Variants in CAPRIN1 observed in about 807,000 individuals in gnomAD.
CAPRIN1 encodes cell cycle associated protein 1.
Under a neutral mutation model 100.9 loss-of-function variants are expected in CAPRIN1, and 29 were observed. The observed-to-expected ratio is 0.29, with a 90% CI of 0.21 to 0.39. The LOEUF (loss-of-function observed/expected upper bound fraction) is 0.39, where lower values mean the gene tolerates loss of function less well. Ranked by LOEUF, CAPRIN1 falls within the 10% of genes least tolerant of loss-of-function variation. The pLI is 1.00. For synonymous variants in CAPRIN1, 338 were observed against 307.5 expected (o/e 1.10, Z -1.04); for missense variants, 795 against 876.7 (o/e 0.91, Z 1.18).
At chr11:34,052,784 C>G (rs1314525649) in intron 2 of CAPRIN1, 148 bp downstream of exon 2, 2 of 1,429,616 alleles carry the variant, frequency 1.4e-6, no homozygotes, top group Non-Finnish European at 1.9e-6. Context: ...CGCCCCGTCT[C>G]CACGTTCAGC....
intron 4 of CAPRIN1, among the ~76,000 whole-genome samples, chr11:34,074,816 A>G (rs1850875046): frequency 6.6e-6 from 1 of 152,242 alleles, no homozygotes; most frequent in African/African-American, 2.4e-5. Flanking sequence ...TAGAGGTGTC[A>G]GTGAGCCAAG....
At chr11:34,076,035 A>G (rs1244509731) in intron 4 of CAPRIN1, among the ~76,000 whole-genome samples, 1 of 152,216 alleles carries the variant, frequency 6.6e-6, no homozygotes, top group African/African-American at 2.4e-5. Context: ...CTTCTAGGGA[A>G]AGAGCTGTTC....
chr11:34,066,971 C>T (rs1156369235), intron 2 of CAPRIN1, among the ~76,000 whole-genome samples: 1 of 150,684 alleles, frequency 6.6e-6, no homozygotes, highest in African/African-American at 2.4e-5. Context: ...ACTCTGTTTC[C>T]CGGGCTGGAA....
At chr11:34,052,238 G>A in intron 1 of CAPRIN1, 183 bp from the exon 2 acceptor site, 1 of 208,598 alleles carries the variant, frequency 4.8e-6, no homozygotes, top group African/African-American at 3.5e-5. Flanking sequence ...CGCCCCGCTG[G>A]CGGGTCGCGC....
At chr11:34,081,868 G>C (rs1202019317) in intron 7 of CAPRIN1, among the ~76,000 whole-genome samples, 1 of 152,120 alleles carries the variant, frequency 6.6e-6, no homozygotes, top group Non-Finnish European at 1.5e-5. Context: ...CTGGAGTGCA[G>C]TGGCGCGATC....
chr11:34,078,850 C>A (rs1850956572), intron 6 of CAPRIN1, among the ~76,000 whole-genome samples: 1 of 152,164 alleles, frequency 6.6e-6, no homozygotes, highest in Non-Finnish European at 1.5e-5. Context: ...CTAGGGAAAC[C>A]TTTTGTGGCC....
chr11:34,098,725 A>G, intron 18 of CAPRIN1: 1 of 985,440 alleles, frequency 1.0e-6, no homozygotes, highest in Non-Finnish European at 1.2e-6. Flanking sequence ...CTTGTAGCAT[A>G]TTCGATGAAA....
rs565364544 is a variant in CAPRIN1, at chr11:34,078,324, A to G, written c.689-1304A>G. On this transcript the variant is annotated intron_variant, in intron 6 of 18. Coordinates refer to ENST00000341394, the MANE Select transcript of CAPRIN1 (RefSeq NM_005898.5). ...TCCTCAAAGTTTTATTTTTCTTCAC[A>G]GTGACCTATCGGGGAGTGGCCCTAC... 3.3e-5 allele frequency among the ~76,000 whole-genome samples: 5 copies of G among 152,326 alleles called. No individual in the cohort carries two copies. In the South Asian group the frequency reaches 1.0e-3, roughly 32 times the overall value.
In CAPRIN1 at chr11:34,086,115, G is replaced by C. The variant is rs754685034; in HGVS notation, c.1018G>C (p.Glu340Gln). ...TCAGGCTGCATCCCCTTCAGTACCAGAGCCCCACTCTTTGACTCCAGTGGC... is the reference window on the plus strand; with the variant it reads ...TCAGGCTGCATCCCCTTCAGTACCACAGCCCCACTCTTTGACTCCAGTGGC... Reference protein sequence around the residue: ...QPQAASPSVPEPHSLTPVAQA... With the variant: ...QPQAASPSVPQPHSLTPVAQA... Residue 340 changes from glutamate to glutamine, a missense_variant, in exon 10 of 19, where the codon GAG (glutamate) becomes CAG (glutamine). Glu to Gln is a conservative substitution (Grantham distance 29). Coordinates refer to ENST00000341394, the MANE Select transcript of CAPRIN1 (RefSeq NM_005898.5). 1.2e-6 allele frequency: 2 copies of C among 1,613,958 alleles called. No homozygotes were observed. Among genetic ancestry groups the C allele is most frequent in the Non-Finnish European group, 1.7e-6 (2 of 1,179,996 alleles).
At chr11:34,057,615 A>G (rs1850479447) in intron 2 of CAPRIN1, among the ~76,000 whole-genome samples, 1 of 152,216 alleles carries the variant, frequency 6.6e-6, no homozygotes, top group South Asian at 2.1e-4. Flanking sequence ...TTCCTTTAGT[A>G]AAAGTGTTAA....
At position 34,074,597 on chromosome 11, in the gene CAPRIN1, C is replaced by T. The variant is rs185051351; in HGVS notation, c.367-1639C>T. On this transcript the variant is annotated intron_variant, in intron 4 of 18. Coordinates refer to ENST00000341394, the MANE Select transcript of CAPRIN1 (RefSeq NM_005898.5). ...GCCTCCACCTACCTATAAAGACCTT[C>T]CTGGGCAGGGTGTGGTTGCTCACGC... 1.3e-3 allele frequency among the ~76,000 whole-genome samples: 196 copies of T among 152,298 alleles called. 1 individual carries two copies. The highest frequency in any genetic ancestry group is 2.1e-3 in the Non-Finnish European group (143 of 68,026).
intron 2 of CAPRIN1, chr11:34,055,885 G>C (rs774831571): frequency 5.3e-5 from 8 of 152,140 alleles, no homozygotes; most frequent in Non-Finnish European, 1.2e-4. Context: ...TATTGATGTT[G>C]ACTTAATTGC....
At chr11:34,066,141 A>C (rs1224955970) in intron 2 of CAPRIN1, among the ~76,000 whole-genome samples, 1 of 151,630 alleles carries the variant, frequency 6.6e-6, no homozygotes, top group Non-Finnish European at 1.5e-5. Context: ...AGGCCCGGCT[A>C]CTTTTTGTAT....
At chr11:34,052,338 C>G (rs1211188483) in intron 1 of CAPRIN1, 83 bp from the exon 2 acceptor site, 2 of 1,143,622 alleles carry the variant, frequency 1.7e-6, no homozygotes, top group East Asian at 2.5e-5. Flanking sequence ...CGCGTTTTGT[C>G]CCGCGTCTCG....
chr11:34,053,033 G>T (rs914237328), intron 2 of CAPRIN1: 9 of 1,041,882 alleles, frequency 8.6e-6, no homozygotes, highest in Admixed American at 5.7e-5. Flanking sequence ...AGGTCCCTGC[G>T]CGGGGGGCTC....
intron 2 of CAPRIN1, among the ~76,000 whole-genome samples, chr11:34,064,681 G>A (rs1341087301): frequency 2.0e-5 from 3 of 152,124 alleles, no homozygotes; most frequent in African/African-American, 4.8e-5. Context: ...AACTTCTGAG[G>A]TGTCAGCTAA....
chr11:34,076,519 G>C, intron 5 of CAPRIN1, 41 bp from the exon 6 acceptor site: 1 of 1,606,908 alleles, frequency 6.2e-7, no homozygotes, highest in Non-Finnish European at 8.5e-7. Flanking sequence ...TATTTAAGTT[G>C]ACAACTGAAA....
chr11:34,095,481 C>T (rs555854626), intron 15 of CAPRIN1, among the ~76,000 whole-genome samples: 12 of 152,156 alleles, frequency 7.9e-5, no homozygotes, highest in African/African-American at 2.4e-4. Context: ...GTGCTTTCAT[C>T]GTAAAATAGG....
intron 14 of CAPRIN1, 72 bp downstream of exon 14, chr11:34,090,750 A>T: frequency 7.1e-7 from 1 of 1,399,220 alleles, no homozygotes; most frequent in Non-Finnish European, 1.0e-6. Flanking sequence ...TTCTTTTTTA[A>T]AGGTCTTCAT....
Sources: allele counts gnomAD v4.1 joint callset (sites outside exome capture counted in the v4.1 genomes callset), GRCh38; gene constraint gnomAD v4.1.1; transcripts MANE v1.5; gene names NCBI Gene and HGNC (gene_info 2026-07-23, HGNC 2026-07-21).